SPIDR: variants seen among roughly 807,000 people sequenced by gnomAD.
SPIDR encodes DNA repair-scaffolding protein.
A neutral mutation model predicts 104.6 loss-of-function variants in SPIDR; 93 were observed. The observed-to-expected ratio is 0.89, with a 90% CI of 0.75 to 1.06. The LOEUF is 1.06. Ranked by LOEUF, SPIDR falls within the 50% of genes least tolerant of loss-of-function variation. The probability of loss-of-function intolerance (pLI) is 0.00; values close to 1 mark genes in which losing one functional copy is unlikely to be tolerated. For missense variants in SPIDR, 1,154 were observed against 1,111.2 expected, an observed-to-expected ratio of 1.04 and a Z score of -0.55; for synonymous variants, 431 against 416.9, an observed-to-expected ratio of 1.03 and a Z score of -0.41.
intron 5 of SPIDR, among the ~76,000 whole-genome samples, chr8:47,325,844 A>C (rs1406163603): frequency 6.6e-6 from 1 of 152,158 alleles, no homozygotes; most frequent in Non-Finnish European, 1.5e-5. Context: ...TAGGTTGTTG[A>C]AATTTTCCTG....
At chr8:47,689,809 C>T (rs527567498) in intron 11 of SPIDR, among the ~76,000 whole-genome samples, 1 of 152,274 alleles carries the variant, frequency 6.6e-6, no homozygotes, top group African/African-American at 2.4e-5. Context: ...CAAGGCCAGC[C>T]GTGGCACACT....
intron 8 of SPIDR, among the ~76,000 whole-genome samples, chr8:47,445,270 A>G (rs2070346077): frequency 6.6e-6 from 1 of 152,180 alleles, no homozygotes; most frequent in Non-Finnish European, 1.5e-5. Flanking sequence ...TTATCCCAGT[A>G]TTTCAGAGTT....
intron 8 of SPIDR, among the ~76,000 whole-genome samples, chr8:47,471,051 G>A (rs1172568329): frequency 6.6e-6 from 1 of 152,116 alleles, no homozygotes; most frequent in African/African-American, 2.4e-5. Context: ...ACTCTTAAGA[G>A]CCAAAACTAT....
At chr8:47,626,921 A>G (rs1270799825) in intron 10 of SPIDR, among the ~76,000 whole-genome samples, 1 of 152,228 alleles carries the variant, frequency 6.6e-6, no homozygotes, top group African/African-American at 2.4e-5. Context: ...TCATGCTGCT[A>G]TAAAGACACA....
intron 10 of SPIDR, among the ~76,000 whole-genome samples, chr8:47,612,027 G>A (rs763733929): frequency 3.9e-5 from 6 of 152,132 alleles, no homozygotes; most frequent in Admixed American, 2.0e-4. Flanking sequence ...TCCCATAAGC[G>A]CAAGACCACC....
chr8:47,683,316 A>G (rs1429782047), intron 11 of SPIDR, among the ~76,000 whole-genome samples: 2 of 152,240 alleles, frequency 1.3e-5, no homozygotes. Context: ...TTGTGAAGTC[A>G]TAGCTCCTGC....
intron 8 of SPIDR, among the ~76,000 whole-genome samples, chr8:47,472,612 G>A (rs2075856913): frequency 6.6e-6 from 1 of 152,226 alleles, no homozygotes; most frequent in Non-Finnish European, 1.5e-5. Flanking sequence ...CTGAAAGAAT[G>A]TGAGTTATTG....
chr8:47,707,262 A>T (rs1185044728), intron 14 of SPIDR, among the ~76,000 whole-genome samples: 4 of 151,992 alleles, frequency 2.6e-5, no homozygotes, highest in Non-Finnish European at 5.9e-5. Flanking sequence ...CAAAAAAAAA[A>T]AAAAAAAAAT....
At chr8:47,371,496 T>C (rs1453918393) in intron 5 of SPIDR, among the ~76,000 whole-genome samples, 1 of 152,124 alleles carries the variant, frequency 6.6e-6, no homozygotes, top group African/African-American at 2.4e-5. Flanking sequence ...AGGGCCCTTT[T>C]CCAGGTTGCA....
At chr8:47,303,664 T>C (rs2154249924) in intron 5 of SPIDR, among the ~76,000 whole-genome samples, 1 of 152,348 alleles carries the variant, frequency 6.6e-6, no homozygotes, top group African/African-American at 2.4e-5. Context: ...CACATTTATT[T>C]ATTTGCATAT....
At chr8:47,288,125 A>AGGTATTTTATT (rs1759270449) in intron 3 of SPIDR, among the ~76,000 whole-genome samples, 1 of 152,040 alleles carries the variant, frequency 6.6e-6, no homozygotes, top group Non-Finnish European at 1.5e-5. Flanking sequence ...AGTTTCTTGT[A>AGGTATTTTATT]GGTATTTTAT....
At chr8:47,708,841 A>T (rs2081442531) in intron 14 of SPIDR, among the ~76,000 whole-genome samples, 1 of 152,180 alleles carries the variant, frequency 6.6e-6, no homozygotes, top group Admixed American at 6.5e-5. Context: ...TCATGGCTAG[A>T]TAGCTCGTTT....
chr8:47,600,231 C>G (rs984725554), intron 10 of SPIDR, among the ~76,000 whole-genome samples: 12 of 152,304 alleles, frequency 7.9e-5, no homozygotes. Flanking sequence ...ATCATCCTGG[C>G]CGGGCATGGT....
chr8:47,695,429 G>C (rs11781164), intron 11 of SPIDR, among the ~76,000 whole-genome samples: 1 of 152,158 alleles, frequency 6.6e-6, no homozygotes, highest in Non-Finnish European at 1.5e-5. Flanking sequence ...TCATGGGCCA[G>C]GTGCTTCCTT....
chr8:47,534,375 T>A (rs1276210065), intron 8 of SPIDR, among the ~76,000 whole-genome samples: 1 of 152,198 alleles, frequency 6.6e-6, no homozygotes. Context: ...AGACATGGAA[T>A]CAACCTAAAT....
intron 11 of SPIDR, among the ~76,000 whole-genome samples, chr8:47,690,261 G>A (rs2078446116): frequency 6.6e-6 from 1 of 151,904 alleles, no homozygotes; most frequent in South Asian, 2.1e-4. Context: ...CTGTGAAGTT[G>A]AGAGAGTGTG....
intron 10 of SPIDR, among the ~76,000 whole-genome samples, chr8:47,637,298 G>A (rs186490140): frequency 5.5e-4 from 83 of 152,260 alleles, no homozygotes; most frequent in Admixed American, 3.2e-3. Context: ...TGCCCAATGC[G>A]GTGGCTTACG....
chr8:47,617,929 C>T (rs2064563522), intron 10 of SPIDR, among the ~76,000 whole-genome samples: 2 of 152,108 alleles, frequency 1.3e-5, no homozygotes, highest in Non-Finnish European at 2.9e-5. Context: ...TTGGGGTGCG[C>T]CAGAGACAAG....
chr8:47,494,669 T>C (rs1225515598), intron 8 of SPIDR, among the ~76,000 whole-genome samples: 1 of 152,040 alleles, frequency 6.6e-6, no homozygotes, highest in African/African-American at 2.4e-5. Context: ...TCACAAACTG[T>C]GAAGTACAAG....
Sources: allele counts gnomAD v4.1 joint callset (sites outside exome capture counted in the v4.1 genomes callset), GRCh38; gene constraint gnomAD v4.1.1; transcripts MANE v1.5; gene names NCBI Gene and HGNC (gene_info 2026-07-23, HGNC 2026-07-21).